Variants in ZFAT observed in about 807,000 individuals in gnomAD.
ZFAT encodes zinc finger protein ZFAT.
ZFAT carries 64 observed loss-of-function variants against 117.7 expected under a neutral mutation model. The ratio of observed to expected loss-of-function variants is 0.54; its 90% CI spans 0.44 to 0.67. ZFAT has a LOEUF of 0.67. Ranked by LOEUF, ZFAT falls within the 30% of genes least tolerant of loss-of-function variation. The pLI, the probability that ZFAT is intolerant of heterozygous loss-of-function variation, is 0.00. For missense variants in ZFAT, 1,433 were observed against 1,584.5 expected (o/e 0.90, Z 1.62); for synonymous variants, 679 against 615.0 (o/e 1.10, Z -1.54).
the ZFAT span, among the ~76,000 whole-genome samples, chr8:134,824,282 T>A: frequency 2.6e-5 from 4 of 152,030 alleles, no homozygotes; most frequent in Non-Finnish European, 1.5e-5. Flanking sequence ...AGGGTTTACA[T>A]GGAAAGGAAA....
chr8:134,649,217 T>C (rs1427407768), intron 2 of ZFAT, among the ~76,000 whole-genome samples: 1 of 135,936 alleles, frequency 7.4e-6, no homozygotes, highest in East Asian at 2.6e-4. Flanking sequence ...TCATACTTAA[T>C]GGTAAAAGAC....
chr8:134,811,644 A>G, the ZFAT span, among the ~76,000 whole-genome samples: 5 of 152,298 alleles, frequency 3.3e-5, no homozygotes, highest in East Asian at 7.7e-4. Flanking sequence ...CCTTAATAGT[A>G]TAATTCTATT....
At chr8:134,584,574 A>C (rs907728213) in intron 9 of ZFAT, among the ~76,000 whole-genome samples, 1 of 152,258 alleles carries the variant, frequency 6.6e-6, no homozygotes, top group South Asian at 2.1e-4. Flanking sequence ...AACTTTACCA[A>C]CTGGTGGTTG....
chr8:134,694,874 C>CACTATAACT (rs1833749271), intron 1 of ZFAT, among the ~76,000 whole-genome samples: 2 of 152,202 alleles, frequency 1.3e-5, no homozygotes, highest in Non-Finnish European at 1.5e-5. Context: ...CCGTAGTTAT[C>CACTATAACT]ACTATAACTA....
chr8:134,694,628 C>A (rs544909123), intron 1 of ZFAT, among the ~76,000 whole-genome samples: 1 of 152,292 alleles, frequency 6.6e-6, no homozygotes, highest in South Asian at 2.1e-4. Context: ...CCTCCTAGTT[C>A]ATTTGCCTCT....
At chr8:134,615,418 A>G (rs1035861582) in intron 3 of ZFAT, among the ~76,000 whole-genome samples, 1 of 152,100 alleles carries the variant, frequency 6.6e-6, no homozygotes, top group African/African-American at 2.4e-5. Flanking sequence ...CAAACTCCTG[A>G]CCGCAAGTGA....
At chr8:134,722,229 GA>G in the ZFAT span, among the ~76,000 whole-genome samples, 3 of 152,254 alleles carry the variant, frequency 2.0e-5, no homozygotes, top group Non-Finnish European at 4.4e-5. Flanking sequence ...GCACACCTCA[GA>G]GGGGTGGAGA....
At chr8:134,790,317 A>G in the ZFAT span, among the ~76,000 whole-genome samples, 2 of 152,192 alleles carry the variant, frequency 1.3e-5, no homozygotes, top group Admixed American at 1.3e-4. Context: ...TCTGCTTCTT[A>G]AAGGAACCTT....
At chr8:134,713,151 A>T, upstream of ZFAT, 1 of 332,388 alleles carries the variant, frequency 3.0e-6, no homozygotes. Flanking sequence ...GCATGCTCGC[A>T]GTCGGAGGCC....
the ZFAT span, chr8:134,793,032 G>A: frequency 6.6e-6 from 1 of 152,132 alleles, no homozygotes; most frequent in Non-Finnish European, 1.5e-5. Context: ...GGGTGTGGTG[G>A]GTTGAGAATG....
the ZFAT span, among the ~76,000 whole-genome samples, chr8:134,764,219 C>T: frequency 2.7e-4 from 41 of 152,204 alleles, no homozygotes; most frequent in Non-Finnish European, 4.9e-4. Flanking sequence ...CTTTCTTTTT[C>T]TTGCCAGGTA....
the ZFAT span, among the ~76,000 whole-genome samples, chr8:134,726,669 A>C: frequency 6.6e-6 from 1 of 152,138 alleles, no homozygotes; most frequent in Non-Finnish European, 1.5e-5. Flanking sequence ...ATCTCAGCTC[A>C]CTGCAACCTC....
intron 13 of ZFAT, among the ~76,000 whole-genome samples, chr8:134,513,522 A>C (rs987984444): frequency 6.6e-6 from 1 of 152,228 alleles, no homozygotes; most frequent in Non-Finnish European, 1.5e-5. Context: ...ACTGACTACA[A>C]GAAATATATT....
intron 7 of ZFAT, among the ~76,000 whole-genome samples, chr8:134,590,671 A>C (rs1352529310): frequency 1.4e-5 from 2 of 144,704 alleles, no homozygotes; most frequent in Non-Finnish European, 3.0e-5. Context: ...ACACCACCAC[A>C]ACCAACACCA....
Position 134,602,768 on chromosome 8 carries a change from G to A in ZFAT, c.951C>T (p.His317=), listed in dbSNP as rs1204508840. ...ASAIKANLNV[H]LRKHTGEKFA... is the part of the protein sequence containing the mutation. The stretch of plus-strand genomic sequence containing the variant: ...ACTTCTCTCCAGTGTGCTTGCGCAG[G>A]TGCACATTGAGGTTGGCCTTGATGG... Residue 317 remains histidine (H), a synonymous_variant, in exon 6 of 16, where the codon CAC becomes CAT. Transcript: ENST00000377838. 1 of 1,613,996 alleles carries A rather than the reference G, an allele frequency of 6.2e-7. No homozygotes were observed. Among genetic ancestry groups the A allele is most frequent in the East Asian group, 2.2e-5 (1 of 44,880 alleles).
chr8:134,563,881 G>A (rs1648675276), intron 11 of ZFAT, among the ~76,000 whole-genome samples: 1 of 152,156 alleles, frequency 6.6e-6, no homozygotes, highest in Non-Finnish European at 1.5e-5. Context: ...CCAGCCAGCT[G>A]CAGGATTTCC....
At chr8:134,761,545 C>T in the ZFAT span, among the ~76,000 whole-genome samples, 1 of 151,066 alleles carries the variant, frequency 6.6e-6, no homozygotes, top group Non-Finnish European at 1.5e-5. Context: ...ACTAAAAATA[C>T]AAAAATTAAC....
chr8:134,715,128 C>T (rs1035985584), upstream of ZFAT, among the ~76,000 whole-genome samples: 1 of 152,184 alleles, frequency 6.6e-6, no homozygotes, highest in Non-Finnish European at 1.5e-5. Flanking sequence ...TTGCCTTTCT[C>T]ACAGCAGCGT....
chr8:134,592,912 C>T (rs1184696950), intron 7 of ZFAT, among the ~76,000 whole-genome samples: 1 of 152,176 alleles, frequency 6.6e-6, no homozygotes, highest in Non-Finnish European at 1.5e-5. Context: ...ATCTGAATAC[C>T]AAGCAACGAC....
Sources: allele counts gnomAD v4.1 joint callset (sites outside exome capture counted in the v4.1 genomes callset), GRCh38; gene constraint gnomAD v4.1.1; transcripts MANE v1.5; gene names NCBI Gene and HGNC (gene_info 2026-07-23, HGNC 2026-07-21).